ITGA9: variants seen among roughly 807,000 people sequenced by gnomAD.
ITGA9 encodes the protein integrin subunit alpha 9.
Under a neutral mutation model 127.8 loss-of-function variants are expected in ITGA9, and 56 were observed. The ratio of observed to expected loss-of-function variants is 0.44; its 90% CI spans 0.35 to 0.55. The LOEUF is 0.55. Ranked by LOEUF, ITGA9 falls within the 20% of genes least tolerant of loss-of-function variation. The probability of loss-of-function intolerance (pLI) is 0.00; values close to 1 mark genes in which losing one functional copy is unlikely to be tolerated. For synonymous variants in ITGA9, 508 were observed against 514.5 expected (o/e 0.99, Z 0.17); for missense variants, 1,196 against 1,347.1 (o/e 0.89, Z 1.76).
At chr3:37,687,602 A>T (rs9814641) in intron 18 of ITGA9, among the ~76,000 whole-genome samples, 11,894 of 152,276 alleles carry the variant, frequency 0.078, 1,432 homozygotes, top group African/African-American at 0.26. Context: ...TATGAAAATG[A>T]TACTATTAAC....
intron 26 of ITGA9, among the ~76,000 whole-genome samples, chr3:37,787,141 C>T (rs1263496695): frequency 5.9e-5 from 9 of 152,206 alleles, no homozygotes; most frequent in Non-Finnish European, 1.3e-4. Context: ...TGCTCATTGT[C>T]ATAGTTCTGG....
chr3:37,480,493 C>A (rs1485043504), intron 3 of ITGA9, among the ~76,000 whole-genome samples: 3 of 152,216 alleles, frequency 2.0e-5, no homozygotes, highest in Non-Finnish European at 4.4e-5. Flanking sequence ...CTGGCAAAAC[C>A]AGCCACTCCC....
chr3:37,748,482 T>A (rs1696535762), intron 22 of ITGA9: 2 of 557,508 alleles, frequency 3.6e-6, no homozygotes, highest in African/African-American at 3.7e-5. Context: ...GCACAGTAGC[T>A]CACGCCTGTA....
At chr3:37,672,230 C>G (rs1005185395) in intron 17 of ITGA9, among the ~76,000 whole-genome samples, 15 of 151,418 alleles carry the variant, frequency 9.9e-5, no homozygotes, top group Admixed American at 9.2e-4. Flanking sequence ...ACCTAAATCT[C>G]GTCTTGAATT....
rs781456356 is a variant in ITGA9, at chr3:37,542,503, G to A, written c.1607G>A (p.Gly536Glu). The A allele has an allele frequency of 4.3e-6, 7 of 1,614,116 alleles. No individual in the cohort carries two copies. The South Asian group carries it at 7.7e-5, about 18-fold the overall frequency. Residue 536 changes from glycine (G) to glutamate (E), a missense_variant, in exon 15 of 28, where the codon GGA becomes GAA. Gly to Glu is a moderately conservative substitution (Grantham distance 98). Coordinates refer to ENST00000264741, the MANE Select transcript of ITGA9 (RefSeq NM_002207.3). Reference protein sequence around the residue: ...QMPRVYFVLLGETMGQVTEKL... With the variant: ...QMPRVYFVLLEETMGQVTEKL... ...CCCAGGGTCTACTTTGTGCTGCTGG[G>A]AGAGACCATGGGTCAGGTCACAGAG...
chr3:37,621,060 T>C (rs1177409903), intron 15 of ITGA9, among the ~76,000 whole-genome samples: 1 of 152,074 alleles, frequency 6.6e-6, no homozygotes. Flanking sequence ...AGGGACCTGG[T>C]GGGAGATAAT....
At chr3:37,457,580 C>A (rs570400430) in intron 1 of ITGA9, among the ~76,000 whole-genome samples, 1 of 151,096 alleles carries the variant, frequency 6.6e-6, no homozygotes, top group African/African-American at 2.4e-5. Context: ...GGTGTAGGTC[C>A]GCTTCCTCAT....
chr3:37,777,283 A>G, intron 23 of ITGA9, 109 bp from the exon 24 acceptor site: 1 of 1,254,540 alleles, frequency 8.0e-7, no homozygotes, highest in South Asian at 1.2e-5. Flanking sequence ...ATGGACAAGG[A>G]GGAAAGGTGA....
intron 17 of ITGA9, among the ~76,000 whole-genome samples, chr3:37,679,505 C>T (rs981884530): frequency 1.4e-5 from 2 of 144,232 alleles, no homozygotes; most frequent in Admixed American, 1.5e-4. Context: ...TCAGACCCTG[C>T]ATGGCCGGGT....
intron 20 of ITGA9, among the ~76,000 whole-genome samples, chr3:37,740,783 G>T (rs189870944): frequency 6.6e-6 from 1 of 152,200 alleles, no homozygotes; most frequent in Non-Finnish European, 1.5e-5. Flanking sequence ...CACCTTTCCA[G>T]AATGATCTCA....
chr3:37,729,477 G>A (rs1193827732), intron 18 of ITGA9, among the ~76,000 whole-genome samples: 1 of 152,128 alleles, frequency 6.6e-6, no homozygotes, highest in African/African-American at 2.4e-5. Flanking sequence ...AGAGAGACCA[G>A]AAATAGTTAA....
intron 11 of ITGA9, among the ~76,000 whole-genome samples, chr3:37,521,080 G>A (rs191036220): frequency 6.6e-6 from 1 of 152,144 alleles, no homozygotes; most frequent in African/African-American, 2.4e-5. Flanking sequence ...ACGCAGGCTG[G>A]CTCCTTTGCT....
At position 37,822,952 on chromosome 3, in the gene ITGA9, T is replaced by A. The variant is rs1224102169; in HGVS notation, c.*3963T>A. Reference sequence around the variant, plus strand: ...CCTTTAGTAGACAAAAGGCAGAAAGTGAGCATCATTTCAGAAATGCTTTAG... The same window carrying A: ...CCTTTAGTAGACAAAAGGCAGAAAGAGAGCATCATTTCAGAAATGCTTTAG... On this transcript the variant is annotated 3_prime_UTR_variant, in exon 28 of 28. Coordinates refer to ENST00000264741, the MANE Select transcript of ITGA9 (RefSeq NM_002207.3). 1.3e-5 allele frequency: 2 copies of A among 152,196 alleles called. No homozygotes were observed. Among genetic ancestry groups the A allele is most frequent in the East Asian group, 1.9e-4 (1 of 5,202 alleles). The allele number at this position is 152,196 out of a possible 1,614,324, so 9.4% of individuals were successfully genotyped here.
At chr3:37,612,286 A>C (rs1700030661) in intron 15 of ITGA9, among the ~76,000 whole-genome samples, 1 of 152,232 alleles carries the variant, frequency 6.6e-6, no homozygotes, top group Admixed American at 6.5e-5. Context: ...AGAATAAAAT[A>C]CATAGAATTA....
chr3:37,718,851 A>G (rs952988045), intron 18 of ITGA9, among the ~76,000 whole-genome samples: 3 of 152,190 alleles, frequency 2.0e-5, no homozygotes, highest in African/African-American at 4.8e-5. Flanking sequence ...TAGGATTGTC[A>G]TCGTCACCTT....
chr3:37,625,860 C>T (rs953635292), intron 15 of ITGA9, among the ~76,000 whole-genome samples: 2 of 152,228 alleles, frequency 1.3e-5, no homozygotes, highest in African/African-American at 4.8e-5. Flanking sequence ...CTGCACCCTC[C>T]TCTGCCTCCA....
intron 5 of ITGA9, among the ~76,000 whole-genome samples, chr3:37,502,913 T>C (rs1698801880): frequency 6.6e-6 from 1 of 152,222 alleles, no homozygotes; most frequent in African/African-American, 2.4e-5. Context: ...TGTGGTCTCA[T>C]CGTGGATAGA....
intron 18 of ITGA9, among the ~76,000 whole-genome samples, chr3:37,706,087 A>G (rs1436881028): frequency 6.6e-6 from 1 of 152,192 alleles, no homozygotes; most frequent in East Asian, 1.9e-4. Flanking sequence ...TTGGGGGGAA[A>G]TGAAACCAGA....
chr3:37,682,821 C>T (rs1441276330), intron 17 of ITGA9, among the ~76,000 whole-genome samples: 3 of 152,170 alleles, frequency 2.0e-5, no homozygotes, highest in Admixed American at 6.5e-5. Context: ...GTTGGCATGA[C>T]CTTTGAAATG....
Sources: gnomAD v4.1 joint callset for allele counts (sites outside exome capture counted in the v4.1 genomes callset) on GRCh38, gnomAD v4.1.1 for gene constraint, MANE v1.5 for transcripts, NCBI Gene and HGNC (gene_info 2026-07-23, HGNC 2026-07-21) for gene names.